Variants in LDAH observed in about 807,000 individuals in gnomAD.
LDAH encodes lipid droplet associated hydrolase.
In LDAH, 26 loss-of-function variants were observed where a neutral mutation model predicts 29.6. The observed-to-expected ratio is 0.88, with a 90% CI of 0.64 to 1.22. LDAH has a LOEUF of 1.22. Ranked by LOEUF, LDAH falls within the 50% of genes most tolerant of loss-of-function variation. The pLI, the probability that LDAH is intolerant of heterozygous loss-of-function variation, is 0.00. For synonymous variants in LDAH, 117 were observed against 133.0 expected (o/e 0.88, Z 0.83); for missense variants, 344 against 387.3 (o/e 0.89, Z 0.94).
intron 2 of LDAH, among the ~76,000 whole-genome samples, chr2:20,797,633 T>C (rs1403413414): frequency 6.6e-6 from 1 of 152,188 alleles, no homozygotes; most frequent in Non-Finnish European, 1.5e-5. Flanking sequence ...GCCCCAGCTC[T>C]GAGTGCAAAG....
At chr2:20,710,643 GTATACATATATATACAC>G (rs200997463) in intron 5 of LDAH, among the ~76,000 whole-genome samples, 1 of 138,472 alleles carries the variant, frequency 7.2e-6, no homozygotes, top group Admixed American at 7.3e-5. Context: ...TAGATATATA[GTATACATATATATACAC>G]ATATATATTA....
At chr2:20,743,671 C>T (rs990427721) in intron 4 of LDAH, among the ~76,000 whole-genome samples, 6 of 152,068 alleles carry the variant, frequency 3.9e-5, no homozygotes, top group African/African-American at 1.2e-4. Flanking sequence ...CTCTGATGCT[C>T]TTCTTTTCTT....
chr2:20,704,184 A>G (rs1664150646), intron 5 of LDAH, among the ~76,000 whole-genome samples: 1 of 152,258 alleles, frequency 6.6e-6, no homozygotes, highest in Non-Finnish European at 1.5e-5. Flanking sequence ...TAGCCATGAT[A>G]TAATCCTAAA....
At position 20,817,268 on chromosome 2, in the gene LDAH, G is replaced by A. The variant is rs1672914728; in HGVS notation, c.-3+5769C>T. Among the ~76,000 whole-genome samples, 6 of 151,990 alleles carry A rather than the reference G, an allele frequency of 3.9e-5. No individual in the cohort carries two copies. The South Asian group carries it at 1.2e-3, about 32-fold the overall frequency. ...ATAAAGAGCGAGTTCTTTGAAAAAG[G>A]TCACTATAACCAGCAAATCATCACT... On this transcript the variant is annotated intron_variant, in intron 1 of 6. Transcript: ENST00000237822.
intron 6 of LDAH, among the ~76,000 whole-genome samples, chr2:20,696,469 G>T (rs1297561114): frequency 6.6e-6 from 1 of 152,188 alleles, no homozygotes; most frequent in East Asian, 1.9e-4. Context: ...TCATCTGAAA[G>T]CTGCACTTCA....
chr2:20,820,944 A>C (rs1673233915), intron 1 of LDAH, among the ~76,000 whole-genome samples: 1 of 148,510 alleles, frequency 6.7e-6, no homozygotes, highest in African/African-American at 2.5e-5. Flanking sequence ...CCCCATCAAA[A>C]AGTGGGTGAA....
At chr2:20,689,720 G>T (rs1053128827) in intron 6 of LDAH, among the ~76,000 whole-genome samples, 1 of 152,170 alleles carries the variant, frequency 6.6e-6, no homozygotes, top group African/African-American at 2.4e-5. Context: ...GGGAACAGTC[G>T]CTATGCAGTT....
At chr2:20,702,392 A>G (rs974041877) in intron 5 of LDAH, among the ~76,000 whole-genome samples, 1 of 152,110 alleles carries the variant, frequency 6.6e-6, no homozygotes, top group African/African-American at 2.4e-5. Context: ...TTTTGTTTCA[A>G]GTATGTCTCT....
chr2:20,809,714 A>C (rs927465728), intron 1 of LDAH, among the ~76,000 whole-genome samples: 4 of 152,250 alleles, frequency 2.6e-5, no homozygotes, highest in African/African-American at 9.6e-5. Flanking sequence ...ACTTCACAAA[A>C]GAGACTATCA....
At chr2:20,819,424 A>T (rs1311536932) in intron 1 of LDAH, among the ~76,000 whole-genome samples, 1 of 152,206 alleles carries the variant, frequency 6.6e-6, no homozygotes, top group Non-Finnish European at 1.5e-5. Flanking sequence ...CAAGGGAGAA[A>T]ATGCTGAAAG....
At position 20,792,153 on chromosome 2, in the gene LDAH, C is replaced by T. The variant is rs536438638; in HGVS notation, c.155-1755G>A. Among the ~76,000 whole-genome samples, 68 of 152,080 alleles carry T rather than the reference C, an allele frequency of 4.5e-4. 1 individual carries two copies. The highest frequency in any genetic ancestry group is 1.6e-3 in the African/African-American group (66 of 41,502). On this transcript the variant is annotated intron_variant, in intron 2 of 6. Coordinates refer to ENST00000237822, the MANE Select transcript of LDAH (RefSeq NM_021925.4). ...TTCATCTCATTAATATATTACTTTACAAAAATTTTATATTTTTATATTACT... is the reference window on the plus strand; with the variant it reads ...TTCATCTCATTAATATATTACTTTATAAAAATTTTATATTTTTATATTACT...
intron 5 of LDAH, among the ~76,000 whole-genome samples, chr2:20,714,100 A>G (rs542961641): frequency 3.9e-4 from 60 of 152,204 alleles, no homozygotes; most frequent in Non-Finnish European, 7.8e-4. Context: ...ACCACATGGC[A>G]CTTATTCCAA....
intron 1 of LDAH, among the ~76,000 whole-genome samples, chr2:20,811,419 T>A (rs1672486472): frequency 6.6e-6 from 1 of 152,138 alleles, no homozygotes. Flanking sequence ...TTTGGGAAGA[T>A]GTTGGAGGAA....
At chr2:20,820,502 C>G (rs1399559237) in intron 1 of LDAH, among the ~76,000 whole-genome samples, 9 of 152,266 alleles carry the variant, frequency 5.9e-5, no homozygotes, top group African/African-American at 2.2e-4. Flanking sequence ...CTGACAAAAA[C>G]AAGAAATGGG....
At position 20,686,846 on chromosome 2, in the gene LDAH, T is replaced by C. The variant is rs1187745045; in HGVS notation, c.*57A>G. The C allele has an allele frequency of 2.8e-6, 4 of 1,440,444 alleles. No homozygotes were observed. The Admixed American group carries it at 5.7e-5, about 21-fold the overall frequency. The allele number at this position is 1,440,444 out of a possible 1,614,324, so 89.2% of individuals were successfully genotyped here. A position where few individuals can be genotyped will look rare whatever the true frequency, so the allele number is the denominator to read the frequency against. ...CAAAATTAAACATTTACCTACTAAG[T>C]CTAGTACACTGACTGCCTCCATGTA... On this transcript the variant is annotated 3_prime_UTR_variant, in exon 7 of 7. Coordinates refer to ENST00000237822, the MANE Select transcript of LDAH (RefSeq NM_021925.4).
At chr2:20,703,881 G>A (rs1036340651) in intron 5 of LDAH, among the ~76,000 whole-genome samples, 4 of 152,142 alleles carry the variant, frequency 2.6e-5, no homozygotes, top group African/African-American at 9.7e-5. Context: ...TATTTTAGGC[G>A]CTGGAGATGG....
intron 4 of LDAH, among the ~76,000 whole-genome samples, chr2:20,740,446 C>A (rs1322854966): frequency 6.6e-6 from 1 of 152,064 alleles, no homozygotes; most frequent in Non-Finnish European, 1.5e-5. Context: ...GTAACTGGGA[C>A]TACAGGTGTG....
At chr2:20,762,626 T>G (rs1192219587) in intron 4 of LDAH, among the ~76,000 whole-genome samples, 1 of 152,240 alleles carries the variant, frequency 6.6e-6, no homozygotes, top group Non-Finnish European at 1.5e-5. Flanking sequence ...TACTACTATA[T>G]ACTAATTCAT....
intron 3 of LDAH, among the ~76,000 whole-genome samples, chr2:20,779,206 A>G (rs1670015712): frequency 6.6e-6 from 1 of 152,204 alleles, no homozygotes; most frequent in South Asian, 2.1e-4. Context: ...AAAGGCTAAG[A>G]ATAATATTTC....
Sources: gnomAD v4.1 joint callset for allele counts (sites outside exome capture counted in the v4.1 genomes callset) on GRCh38, gnomAD v4.1.1 for gene constraint, MANE v1.5 for transcripts, NCBI Gene and HGNC (gene_info 2026-07-23, HGNC 2026-07-21) for gene names.